Variants in SRRM4 observed in about 807,000 individuals in gnomAD.
SRRM4 encodes serine/arginine repetitive matrix protein 4.
SRRM4 carries 33 observed loss-of-function variants against 68.9 expected under a neutral mutation model. The observed-to-expected ratio is 0.48, with a 90% confidence interval of 0.36 to 0.64. SRRM4 has a LOEUF of 0.64. SRRM4 is among the 30% of genes least tolerant of loss of function. The pLI is 0.00. For missense variants in SRRM4, 817 were observed against 827.1 expected (o/e 0.99, Z 0.15); for synonymous variants, 318 against 318.8 (o/e 1.00, Z 0.03).
At chr12:119,041,049 G>T (rs563800114) in intron 1 of SRRM4, among the ~76,000 whole-genome samples, 2 of 152,108 alleles carry the variant, frequency 1.3e-5, no homozygotes, top group African/African-American at 4.8e-5. Context: ...CATGCCTGGT[G>T]GTTGACTACT....
At chr12:119,077,465 G>C (rs1436691048) in intron 1 of SRRM4, among the ~76,000 whole-genome samples, 1 of 152,134 alleles carries the variant, frequency 6.6e-6, no homozygotes, top group African/African-American at 2.4e-5. Context: ...CATCTCATCT[G>C]TAAGGTGGGA....
chr12:119,085,120 C>CG (rs1253704917), intron 1 of SRRM4, among the ~76,000 whole-genome samples: 2 of 152,168 alleles, frequency 1.3e-5, no homozygotes, highest in East Asian at 3.9e-4. Context: ...AGGCTGGTCT[C>CG]AAACTCCAGA....
intron 1 of SRRM4, among the ~76,000 whole-genome samples, chr12:119,023,391 C>T (rs987591149): frequency 6.6e-6 from 1 of 152,172 alleles, no homozygotes; most frequent in African/African-American, 2.4e-5. Context: ...TCCTCCTCGA[C>T]CTAGTTTCCC....
intron 1 of SRRM4, among the ~76,000 whole-genome samples, chr12:119,029,868 AGGTAAATCTG>A (rs1237084059): frequency 6.6e-6 from 1 of 152,192 alleles, no homozygotes; most frequent in Non-Finnish European, 1.5e-5. Flanking sequence ...AGACAGCACC[AGGTAAATCTG>A]GTAGGAGCGA....
Position 119,151,119 on chromosome 12 carries a change from C to T in SRRM4, c.1179C>T (p.Ser393=), listed in dbSNP as rs1467539209. The change falls in exon 10 of 13, where the codon TCC becomes TCT. Residue 393 remains serine (S), a synonymous_variant. Coordinates refer to ENST00000267260, the MANE Select transcript of SRRM4 (RefSeq NM_194286.4). ...SSPMKGCSRS[S]SYASTRSSSH... ...CCATGAAAGGGTGTTCCCGCAGCTC[C>T]TCCTATGCCAGCACCCGATCCTCCA... 1 of 1,613,906 alleles carries T rather than the reference C, an allele frequency of 6.2e-7. No homozygotes were observed. Among genetic ancestry groups the T allele is most frequent in the Non-Finnish European group, 8.5e-7 (1 of 1,179,900 alleles).
chr12:119,082,159 G>C lies in SRRM4; in HGVS notation c.132-20077G>C, dbSNP rs146899817. On this transcript the variant is annotated intron_variant, in intron 1 of 12. Transcript: ENST00000267260. ...CTCATTATTCGGCAGGAGTTACAGA[G>C]AGTGGGCTGAACTCCCAGCAGGGGC... is the stretch of plus-strand genomic sequence containing the variant. Among the ~76,000 whole-genome samples, 37 of 152,186 alleles carry C rather than the reference G, an allele frequency of 2.4e-4. 1 individual carries two copies. The highest frequency in any genetic ancestry group is 8.4e-4 in the African/African-American group (35 of 41,536).
At chr12:119,065,564 G>A (rs538475725) in intron 1 of SRRM4, among the ~76,000 whole-genome samples, 24 of 152,146 alleles carry the variant, frequency 1.6e-4, no homozygotes, top group African/African-American at 5.1e-4. Flanking sequence ...GTGAAACCCC[G>A]TCTCTACTAA....
intron 6 of SRRM4, 107 bp from the exon 7 acceptor site, chr12:119,125,274 G>T (rs1489199719): frequency 3.1e-6 from 3 of 976,508 alleles, no homozygotes; most frequent in African/African-American, 1.6e-5. Context: ...GGGAGGGATG[G>T]TGACCAGTGC....
intron 1 of SRRM4, among the ~76,000 whole-genome samples, chr12:119,085,143 C>T (rs1953972231): frequency 1.3e-5 from 2 of 152,184 alleles, no homozygotes; most frequent in African/African-American, 2.4e-5. Context: ...TCAGGTGGAT[C>T]CACCTGCCTT....
chr12:119,063,339 G>C (rs1953826160), intron 1 of SRRM4, among the ~76,000 whole-genome samples: 1 of 152,112 alleles, frequency 6.6e-6, no homozygotes, highest in South Asian at 2.1e-4. Flanking sequence ...AAAATGTCAG[G>C]GGCTTAGAAC....
intron 1 of SRRM4, among the ~76,000 whole-genome samples, chr12:119,081,151 T>C (rs1953945409): frequency 6.6e-6 from 1 of 152,122 alleles, no homozygotes; most frequent in South Asian, 2.1e-4. Flanking sequence ...AAACTTAGAT[T>C]CTAGTGGGAG....
intron 1 of SRRM4, among the ~76,000 whole-genome samples, chr12:119,058,930 G>C (rs558877145): frequency 6.6e-6 from 1 of 152,146 alleles, no homozygotes; most frequent in Non-Finnish European, 1.5e-5. Context: ...GAAGAGGTCT[G>C]TGATCACCAC....
At chr12:119,038,490 C>T (rs1953644395) in intron 1 of SRRM4, among the ~76,000 whole-genome samples, 1 of 152,140 alleles carries the variant, frequency 6.6e-6, no homozygotes, top group Non-Finnish European at 1.5e-5. Context: ...GGATTACAGG[C>T]GTGAGCCACC....
chr12:119,104,264 A>G (rs1017152326), intron 2 of SRRM4, among the ~76,000 whole-genome samples: 20 of 152,252 alleles, frequency 1.3e-4, no homozygotes, highest in African/African-American at 4.8e-4. Context: ...TCATGAAGCC[A>G]GAAGAGAAGA....
At chr12:119,022,958 G>A (rs912662086) in intron 1 of SRRM4, among the ~76,000 whole-genome samples, 1 of 152,152 alleles carries the variant, frequency 6.6e-6, no homozygotes, top group East Asian at 1.9e-4. Flanking sequence ...AAGACACAAT[G>A]AGCAGAGCAT....
At chr12:119,111,981 G>A (rs1422188269) in intron 2 of SRRM4, among the ~76,000 whole-genome samples, 1 of 152,044 alleles carries the variant, frequency 6.6e-6, no homozygotes, top group Non-Finnish European at 1.5e-5. Flanking sequence ...AGGAGATGGA[G>A]GTTGCAGTGA....
intron 1 of SRRM4, among the ~76,000 whole-genome samples, chr12:119,062,938 G>A (rs1220533688): frequency 1.3e-5 from 2 of 152,218 alleles, no homozygotes; most frequent in African/African-American, 4.8e-5. Flanking sequence ...TGTGTGGACT[G>A]AATAAGATAT....
rs755341502 is a variant in SRRM4 at position 119,154,491 on chromosome 12, G to C, written c.1532+108G>C. On this transcript the variant is annotated intron_variant, in intron 12 of 12. Transcript: ENST00000267260. The surrounding 1 kb of genome is among the most constrained non-coding windows in gnomAD (Gnocchi z 4.7). The stretch of plus-strand genomic sequence containing the variant: ...AGGCCTCCTTGGGGCTGGGATTTAG[G>C]ATTGTGCGAGCTTATGGTCCCCCCA... 5.4e-4 allele frequency: 707 copies of C among 1,307,658 alleles called. 6 individuals carry two copies. The highest frequency in any genetic ancestry group is 4.8e-4 in the Admixed American group (21 of 44,018). 81.0% of individuals were successfully genotyped at this position (1,307,658 alleles called of 1,614,324 possible). A position where few individuals can be genotyped will look rare whatever the true frequency, so the allele number is the denominator to read the frequency against.
rs749308571 is a variant in SRRM4 at position 119,145,450 on chromosome 12, C to T, written c.841C>T (p.Arg281Cys). ...CAGCCCGCTCACCACCTCGCGAGGA[C>T]GTTCCCAGGAGTACGACTCAGGAAA... ...TASPLTTSRGRSQEYDSGNDT... is the reference protein window; with the variant it reads ...TASPLTTSRGCSQEYDSGNDT... The change falls in exon 9 of 13, where the codon CGT becomes TGT. Residue 281 changes from arginine to cysteine, a missense_variant. Physicochemically the swap from Arg to Cys is radical, Grantham distance 180. Transcript: ENST00000267260. 1.1e-5 allele frequency: 18 copies of T among 1,608,408 alleles called. No homozygotes were observed. Among genetic ancestry groups the T allele is most frequent in the South Asian group, 3.3e-5 (3 of 89,698 alleles).
Sources: gnomAD v4.1 joint callset for allele counts (sites outside exome capture counted in the v4.1 genomes callset) on GRCh38, gnomAD v4.1.1 for gene constraint, Gnocchi (gnomAD v3.1) non-coding constraint, MANE v1.5 for transcripts, NCBI Gene and HGNC (gene_info 2026-07-23, HGNC 2026-07-21) for gene names.